Variants in PDE10A observed in about 807,000 individuals in gnomAD.
PDE10A encodes the protein cAMP and cAMP-inhibited cGMP 3',5'-cyclic phosphodiesterase 10A.
A neutral mutation model predicts 97.7 loss-of-function variants in PDE10A; 39 were observed. The ratio of observed to expected loss-of-function variants is 0.40; its 90% CI spans 0.31 to 0.52. The LOEUF (loss-of-function observed/expected upper bound fraction) is 0.52, where lower values mean the gene tolerates loss of function less well. PDE10A is among the 20% of genes least tolerant of loss of function. The pLI is 0.56. For missense variants in PDE10A, 731 were observed against 1,047.8 expected (o/e 0.70, Z 4.17); for synonymous variants, 371 against 376.8 (o/e 0.98, Z 0.18).
At chr6:165,727,871 T>C (rs560070327) in intron 1 of PDE10A, among the ~76,000 whole-genome samples, 1 of 152,318 alleles carries the variant, frequency 6.6e-6, no homozygotes, top group South Asian at 2.1e-4. Flanking sequence ...GATACAAATC[T>C]AAGGCTGCTT....
intron 1 of PDE10A, among the ~76,000 whole-genome samples, chr6:165,855,026 AATGAATGC>A (rs1300795037): frequency 1.7e-4 from 19 of 113,866 alleles, no homozygotes; most frequent in African/African-American, 4.3e-4. Flanking sequence ...TGAATGAATG[AATGAATGC>A]ATGAATGAAT....
At chr6:165,693,549 A>AAC (rs1791364150) in intron 1 of PDE10A, among the ~76,000 whole-genome samples, 2 of 151,126 alleles carry the variant, frequency 1.3e-5, no homozygotes, top group Non-Finnish European at 2.9e-5. Flanking sequence ...AAAAAAAAAA[A>AAC]AAACCGAGTG....
intron 1 of PDE10A, among the ~76,000 whole-genome samples, chr6:165,963,540 G>A (rs933956333): frequency 6.6e-6 from 1 of 152,168 alleles, no homozygotes; most frequent in Non-Finnish European, 1.5e-5. Flanking sequence ...AAAATGGGAG[G>A]ACAACATCTA....
chr6:165,408,023 T>G, intron 13 of PDE10A, among the ~76,000 whole-genome samples: 1 of 152,338 alleles, frequency 6.6e-6, no homozygotes, highest in African/African-American at 2.4e-5. Context: ...ATGGCCTATG[T>G]GCCCTGCTTC....
intron 1 of PDE10A, among the ~76,000 whole-genome samples, chr6:165,916,885 C>G (rs1000013555): frequency 6.6e-6 from 1 of 152,170 alleles, no homozygotes; most frequent in Non-Finnish European, 1.5e-5. Context: ...CCACCTCCCA[C>G]TCCACCATAC....
chr6:165,580,433 G>T (rs575744001), intron 1 of PDE10A, among the ~76,000 whole-genome samples: 1 of 152,302 alleles, frequency 6.6e-6, no homozygotes, highest in Admixed American at 6.5e-5. Context: ...AGGTAGAAAT[G>T]AGGCTGGTTT....
chr6:165,622,964 C>T (rs1009390308), intron 1 of PDE10A, among the ~76,000 whole-genome samples: 2 of 152,082 alleles, frequency 1.3e-5, no homozygotes, highest in African/African-American at 4.8e-5. Context: ...CTCCTCCCCC[C>T]ACCCTTACTC....
intron 1 of PDE10A, among the ~76,000 whole-genome samples, chr6:165,548,361 AT>A (rs1783844537): frequency 1.4e-5 from 2 of 141,536 alleles, no homozygotes; most frequent in Admixed American, 7.6e-5. Flanking sequence ...GTAGCTCGGA[AT>A]TTCATTTTTT....
intron 1 of PDE10A, among the ~76,000 whole-genome samples, chr6:165,724,455 C>A (rs1352563376): frequency 6.6e-6 from 1 of 152,202 alleles, no homozygotes; most frequent in Non-Finnish European, 1.5e-5. Context: ...AGGTGGATAG[C>A]TGGATTCTCT....
intron 1 of PDE10A, among the ~76,000 whole-genome samples, chr6:165,902,945 G>A (rs756713186): frequency 6.6e-4 from 100 of 152,314 alleles, no homozygotes; most frequent in Non-Finnish European, 1.6e-4. Context: ...CTTCTGTTGT[G>A]TTTGAGCCTT....
chr6:165,356,705 G>T (rs1300054917), intron 18 of PDE10A, among the ~76,000 whole-genome samples: 4 of 152,072 alleles, frequency 2.6e-5, no homozygotes, highest in Non-Finnish European at 5.9e-5. Context: ...AGAACCATTT[G>T]CAGAAAAGAC....
At chr6:165,886,078 G>A (rs553010720) in intron 1 of PDE10A, among the ~76,000 whole-genome samples, 41 of 152,310 alleles carry the variant, frequency 2.7e-4, no homozygotes, top group African/African-American at 9.9e-4. Flanking sequence ...TTGAATCATT[G>A]TAATATGAAA....
intron 16 of PDE10A, 69 bp downstream of exon 16, chr6:165,392,577 T>A: frequency 7.0e-7 from 1 of 1,426,636 alleles, no homozygotes; most frequent in Non-Finnish European, 9.7e-7. Flanking sequence ...ATGTCATCAA[T>A]GTGCTCCTGA....
At chr6:165,893,378 GTT>G (rs1781855459) in intron 1 of PDE10A, among the ~76,000 whole-genome samples, 1 of 152,176 alleles carries the variant, frequency 6.6e-6, no homozygotes, top group African/African-American at 2.4e-5. Context: ...ACTCTCCTAA[GTT>G]AGGCTGTTTT....
At chr6:165,788,935 G>A (rs1479554837) in intron 1 of PDE10A, among the ~76,000 whole-genome samples, 2 of 152,112 alleles carry the variant, frequency 1.3e-5, no homozygotes, top group East Asian at 3.9e-4. Flanking sequence ...ACCATCCCCA[G>A]GAGAGGAGGC....
At chr6:165,534,054 T>C (rs555422434) in intron 2 of PDE10A, among the ~76,000 whole-genome samples, 110 of 151,958 alleles carry the variant, frequency 7.2e-4, no homozygotes, top group African/African-American at 2.6e-3. Flanking sequence ...GGTATGCTCA[T>C]AGACTAAGAA....
rs186863059 is a variant in PDE10A at position 165,357,004 on chromosome 6, C to T, written c.2784-13502G>A. On this transcript the variant is annotated intron_variant, in intron 18 of 21. Transcript: ENST00000539869. ...TTACTTAATATATGAACTATCATCA[C>T]GGGGGCTATGATGTGTTCATACACT... Among the ~76,000 whole-genome samples, 277 of 152,182 alleles carry T rather than the reference C, an allele frequency of 1.8e-3. 1 individual carries two copies. Among genetic ancestry groups the T allele is most frequent in the African/African-American group, 5.5e-3 (229 of 41,526 alleles).
intron 10 of PDE10A, among the ~76,000 whole-genome samples, chr6:165,422,164 T>C (rs1238875353): frequency 2.0e-5 from 3 of 152,162 alleles, no homozygotes; most frequent in African/African-American, 7.2e-5. Context: ...GAAATGACCC[T>C]CAGATGCTGA....
chr6:165,919,251 G>A (rs905809106), intron 1 of PDE10A, among the ~76,000 whole-genome samples: 5 of 152,152 alleles, frequency 3.3e-5, no homozygotes, highest in African/African-American at 1.2e-4. Flanking sequence ...CCGAAAATAG[G>A]AATGTATGCA....
Sources: gnomAD v4.1 joint callset for allele counts (sites outside exome capture counted in the v4.1 genomes callset) on GRCh38, gnomAD v4.1.1 for gene constraint, MANE v1.5 for transcripts, NCBI Gene and HGNC (gene_info 2026-07-23, HGNC 2026-07-21) for gene names.